Variants in UTRN observed in about 807,000 individuals in gnomAD.
UTRN encodes utrophin, also known as dystrophin-related protein 1.
A neutral mutation model predicts 463.9 loss-of-function variants in UTRN; 283 were observed. The ratio of observed to expected loss-of-function variants is 0.61; its 90% CI spans 0.55 to 0.67. UTRN has a LOEUF of 0.67. Ranked by LOEUF, UTRN falls within the 30% of genes least tolerant of loss-of-function variation. The pLI, the probability that UTRN is intolerant of heterozygous loss-of-function variation, is 0.00. For synonymous variants in UTRN, 1,442 were observed against 1,431.5 expected, an observed-to-expected ratio of 1.01 and a Z score of -0.17; for missense variants, 3,922 against 4,084.3, an observed-to-expected ratio of 0.96 and a Z score of 1.08.
intron 2 of UTRN, among the ~76,000 whole-genome samples, chr6:144,359,157 G>T (rs1003232023): frequency 6.6e-6 from 1 of 152,190 alleles, no homozygotes; most frequent in Non-Finnish European, 1.5e-5. Context: ...TTATATGAGG[G>T]GATAGATATA....
At chr6:144,583,697 G>T in intron 51 of UTRN, 2 of 460,634 alleles carry the variant, frequency 4.3e-6, no homozygotes, top group Non-Finnish European at 8.0e-6. Context: ...ATCAAGGAAA[G>T]ATTCCCTTTC....
chr6:144,583,941 T>A (rs1439698127), intron 51 of UTRN, among the ~76,000 whole-genome samples: 1 of 152,230 alleles, frequency 6.6e-6, no homozygotes, highest in Non-Finnish European at 1.5e-5. Context: ...GGCACATTAA[T>A]CTTATGTAAA....
intron 51 of UTRN, among the ~76,000 whole-genome samples, chr6:144,609,706 G>C (rs1201073460): frequency 6.6e-6 from 1 of 152,176 alleles, no homozygotes; most frequent in Non-Finnish European, 1.5e-5. Context: ...GCAAATGTAA[G>C]AGTATTGAAA....
intron 61 of UTRN, among the ~76,000 whole-genome samples, chr6:144,788,415 A>T (rs1776470028): frequency 6.6e-6 from 1 of 152,190 alleles, no homozygotes; most frequent in Non-Finnish European, 1.5e-5. Flanking sequence ...CTCTTAGTAT[A>T]TAGTTAATTT....
intron 50 of UTRN, among the ~76,000 whole-genome samples, chr6:144,559,865 GAAGTT>G (rs1207060642): frequency 1.3e-5 from 2 of 152,142 alleles, no homozygotes; most frequent in Non-Finnish European, 2.9e-5. Flanking sequence ...CAGGCTCAGA[GAAGTT>G]AAGTGACATG....
chr6:144,587,724 AG>A (rs1802608456), intron 51 of UTRN, among the ~76,000 whole-genome samples: 1 of 152,128 alleles, frequency 6.6e-6, no homozygotes, highest in African/African-American at 2.4e-5. Context: ...GAAGTGATCC[AG>A]GGCAATGGAG....
In UTRN at chr6:144,516,324, T is replaced by C; in HGVS notation, c.5340T>C (p.Asn1780=). 1.2e-6 allele frequency: 2 copies of C among 1,613,656 alleles called. No homozygotes were observed. Among genetic ancestry groups the C allele is most frequent in the Non-Finnish European group, 1.7e-6 (2 of 1,179,850 alleles). Residue 1780 remains asparagine (N), a synonymous_variant, in exon 38 of 75, where the codon AAT becomes AAC. Transcript: ENST00000367545. ...TCTCTGACTTGGAAAAATTAGAAAA[T>C]GACATAGAAAATATGTTAAAATTTG... ...VPFSDLEKLE[N]DIENMLKFVE...
At chr6:144,686,253 A>G (rs1015258952) in intron 52 of UTRN, among the ~76,000 whole-genome samples, 1 of 152,132 alleles carries the variant, frequency 6.6e-6, no homozygotes, top group African/African-American at 2.4e-5. Context: ...TCATTGGTCT[A>G]TGAAGATGCT....
intron 26 of UTRN, among the ~76,000 whole-genome samples, chr6:144,480,566 G>A (rs1484728012): frequency 6.6e-6 from 1 of 152,160 alleles, no homozygotes; most frequent in African/African-American, 2.4e-5. Flanking sequence ...GCATCGGGGA[G>A]TTCATATTAG....
rs545242838 is a variant in UTRN, at chr6:144,359,413, T to C, written c.80-43710T>C. On this transcript the variant is annotated intron_variant, in intron 2 of 74. Transcript: ENST00000367545. ...TAAATACTTGCTACTATTATTATTG[T>C]TGTTGGCACCATCCTTCATTTCAGG... Among the ~76,000 whole-genome samples the C allele has an allele frequency of 3.3e-5, 5 of 152,346 alleles. No individual in the cohort carries two copies. The South Asian group carries it at 8.3e-4, about 25-fold the overall frequency.
chr6:144,554,740 A>G lies in UTRN; in HGVS notation c.6981A>G (p.Arg2327=). 6.2e-7 allele frequency: 1 copy of G among 1,614,020 alleles called. No individual in the cohort carries two copies. Among genetic ancestry groups the G allele is most frequent in the Non-Finnish European group, 8.5e-7 (1 of 1,179,968 alleles). Residue 2327 remains arginine (R), a synonymous_variant, in exon 49 of 75, where the codon AGA becomes AGG. Transcript: ENST00000367545. The part of the protein sequence containing the change: ...WDGTQHGVEL[R]QQQLEDMIID... ...GCACCCAGCATGGCGTTGAGCTAAG[A>G]CAGCAGCAGCTTGAGGACATGATTA...
At chr6:144,804,219 A>G (rs1777946274) in intron 65 of UTRN, among the ~76,000 whole-genome samples, 1 of 152,204 alleles carries the variant, frequency 6.6e-6, no homozygotes, top group African/African-American at 2.4e-5. Context: ...ACTCATAGGT[A>G]TCTTATCTCA....
chr6:144,370,532 A>G (rs1779891559), intron 2 of UTRN, among the ~76,000 whole-genome samples: 1 of 152,060 alleles, frequency 6.6e-6, no homozygotes, highest in African/African-American at 2.4e-5. Context: ...CTAATGGAGA[A>G]CCTCTGCTAG....
Position 144,297,636 on chromosome 6 carries a change from T to C in UTRN, c.79+5729T>C, listed in dbSNP as rs79448485. Among the ~76,000 whole-genome samples the C allele has an allele frequency of 4.6e-5, 7 of 152,364 alleles. No homozygotes were observed. The East Asian group carries it at 1.3e-3, about 29-fold the overall frequency. ...GGAGGTCTTTGAGCAGGTTTGTTTT[T>C]TTCCATGAGCCCTGGGGATTTGTAG... On this transcript the variant is annotated intron_variant, in intron 2 of 74. Transcript: ENST00000367545.
At chr6:144,458,631 G>T in intron 19 of UTRN, 139 bp from the exon 20 acceptor site, 1 of 929,850 alleles carries the variant, frequency 1.1e-6, no homozygotes, top group Non-Finnish European at 1.5e-6. Flanking sequence ...AATTTTTGTT[G>T]TTGTATTAAA....
chr6:144,839,100 G>A, intron 71 of UTRN, 73 bp from the exon 72 acceptor site: 1 of 1,222,200 alleles, frequency 8.2e-7, no homozygotes, highest in South Asian at 1.3e-5. Flanking sequence ...GGGCGGGGAA[G>A]TTAAAAAGGA....
At chr6:144,833,842 T>C (rs999580743) in intron 69 of UTRN, among the ~76,000 whole-genome samples, 1 of 152,160 alleles carries the variant, frequency 6.6e-6, no homozygotes, top group Non-Finnish European at 1.5e-5. Flanking sequence ...GTTTAGGGTG[T>C]TGGCCATTTA....
intron 3 of UTRN, among the ~76,000 whole-genome samples, chr6:144,405,036 AT>A (rs1431891816): frequency 6.6e-6 from 1 of 152,152 alleles, no homozygotes; most frequent in Non-Finnish European, 1.5e-5. Context: ...AGACTTGGTA[AT>A]TTTTATCATT....
chr6:144,322,059 C>T (rs1293238173), intron 2 of UTRN, among the ~76,000 whole-genome samples: 1 of 152,196 alleles, frequency 6.6e-6, no homozygotes, highest in Non-Finnish European at 1.5e-5. Context: ...CACCCGGCTG[C>T]CCATACTCTT....
Sources: gnomAD v4.1 joint callset for allele counts (sites outside exome capture counted in the v4.1 genomes callset) on GRCh38, gnomAD v4.1.1 for gene constraint, MANE v1.5 for transcripts, NCBI Gene and HGNC (gene_info 2026-07-23, HGNC 2026-07-21) for gene names.